The following ZNF280D variants were observed in gnomAD, a reference collection of about 807,000 sequenced individuals.
ZNF280D encodes zinc finger protein 280D, also known as suppressor of hairy wing homolog 4.
Under a neutral mutation model 94.7 loss-of-function variants are expected in ZNF280D, and 39 were observed. That is an observed-to-expected ratio of 0.41 (90% confidence interval 0.32 to 0.54). ZNF280D has a LOEUF of 0.54. Among genes scored for constraint, ZNF280D ranks in the 20% least tolerant of loss-of-function variants. ZNF280D has a pLI of 0.22. For synonymous variants in ZNF280D, 398 were observed against 377.6 expected (o/e 1.05, Z -0.63); for missense variants, 1,090 against 1,149.3 (o/e 0.95, Z 0.75).
At position 56,666,774 on chromosome 15, in the gene ZNF280D, T is replaced by C. The variant is rs1189144500; in HGVS notation, c.1758A>G (p.Lys586=). ...GCATATTAGAGATTTTTGGTTTGTA[T>C]TTAGATTTACTTCCATTAGGCTTAC... ...NTSKPNGSKS[K]YKPKISNMQK... is the part of the protein sequence containing the mutation. The change falls in exon 15 of 22, where the codon AAA becomes AAG. Residue 586 remains lysine (K), a synonymous_variant. Transcript: ENST00000267807. 1 of 1,613,812 alleles carries C rather than the reference T, an allele frequency of 6.2e-7. No homozygotes were observed. The highest frequency in any genetic ancestry group is 8.5e-7 in the Non-Finnish European group (1 of 1,179,832).
chr15:56,706,149 C>G (rs1256982188), intron 3 of ZNF280D, among the ~76,000 whole-genome samples: 2 of 133,454 alleles, frequency 1.5e-5, no homozygotes, highest in Non-Finnish European at 3.1e-5. Flanking sequence ...GACACAGACA[C>G]AAGCAGAAAA....
At chr15:56,704,558 G>GA (rs1240550012) in intron 3 of ZNF280D, among the ~76,000 whole-genome samples, 4 of 152,152 alleles carry the variant, frequency 2.6e-5, no homozygotes, top group Non-Finnish European at 5.9e-5. Flanking sequence ...CGTATACATA[G>GA]AATATGATTA....
intron 13 of ZNF280D, among the ~76,000 whole-genome samples, chr15:56,669,975 ATATATATAT>A (rs2054708721): frequency 0.026 from 16 of 612 alleles, no homozygotes; most frequent in African/African-American, 0.09. Context: ...TATATATATA[ATATATATAT>A]TATATATATA....
chr15:56,726,299 T>C (rs1390011379), intron 1 of ZNF280D, among the ~76,000 whole-genome samples: 4 of 152,068 alleles, frequency 2.6e-5, no homozygotes, highest in South Asian at 4.1e-4. Context: ...CTGTCCAAAT[T>C]AACCATTAAA....
At chr15:56,655,844 A>G (rs2053519430) in intron 17 of ZNF280D, among the ~76,000 whole-genome samples, 1 of 152,246 alleles carries the variant, frequency 6.6e-6, no homozygotes, top group Non-Finnish European at 1.5e-5. Context: ...TGGTTACACC[A>G]AGCATTTGAA....
intron 9 of ZNF280D, chr15:56,688,658 A>G (rs1396604380): frequency 1.3e-5 from 2 of 153,662 alleles, no homozygotes; most frequent in African/African-American, 2.4e-5. Context: ...GTAATGTGAC[A>G]TGTACATGTT....
chr15:56,654,527 A>G (rs1189441883), intron 17 of ZNF280D, 24 bp from the exon 18 acceptor site: 2 of 1,550,746 alleles, frequency 1.3e-6, no homozygotes, highest in Non-Finnish European at 1.7e-6. Flanking sequence ...CATTAAAAAA[A>G]GATTTTTATC....
chr15:56,731,415 A>T (rs911513079), intron 1 of ZNF280D, among the ~76,000 whole-genome samples: 19 of 144,162 alleles, frequency 1.3e-4, no homozygotes, highest in African/African-American at 4.8e-4. Context: ...AGGTGGGAGG[A>T]TGGCTTGAGC....
At chr15:56,706,413 G>A (rs112896008) in intron 3 of ZNF280D, among the ~76,000 whole-genome samples, 4,157 of 151,852 alleles carry the variant, frequency 0.027, 182 homozygotes, top group African/African-American at 0.095. Flanking sequence ...AGGAAGAGGA[G>A]GTTGCAATGA....
chr15:56,694,655 C>T (rs373686122), intron 6 of ZNF280D, among the ~76,000 whole-genome samples: 1 of 152,110 alleles, frequency 6.6e-6, no homozygotes, highest in Admixed American at 6.5e-5. Context: ...ATATCTACTA[C>T]AAAATAAATT....
intron 19 of ZNF280D, chr15:56,652,635 CAT>C (rs2053274367): frequency 1.0e-6 from 1 of 985,130 alleles, no homozygotes; most frequent in South Asian, 4.7e-5. Context: ...TGTTTTTTAA[CAT>C]GTTACCTTTA....
chr15:56,638,432 CACT>C (rs2052457185), intron 20 of ZNF280D, among the ~76,000 whole-genome samples: 1 of 152,114 alleles, frequency 6.6e-6, no homozygotes, highest in Admixed American at 6.6e-5. Flanking sequence ...AGAAAACTTC[CACT>C]TTTGGTGCAG....
intron 9 of ZNF280D, among the ~76,000 whole-genome samples, chr15:56,685,317 C>A (rs922001225): frequency 6.8e-6 from 1 of 147,830 alleles, no homozygotes; most frequent in Non-Finnish European, 1.5e-5. Flanking sequence ...AGAAAAAGAT[C>A]AAAACAAATA....
In ZNF280D at chr15:56,689,370, T is replaced by C; in HGVS notation, c.600A>G (p.Ala200=). 1.2e-6 allele frequency: 2 copies of C among 1,610,078 alleles called. No homozygotes were observed. Among genetic ancestry groups the C allele is most frequent in the Non-Finnish European group, 1.7e-6 (2 of 1,178,084 alleles). Reference sequence around the variant, plus strand: ...CTGAAGGTAATACAGCTGAGGAATTTGCTCCAGAAACACTTTCGCTGGGTT... The same window carrying C: ...CTGAAGGTAATACAGCTGAGGAATTCGCTCCAGAAACACTTTCGCTGGGTT... The part of the protein sequence containing the change: ...KPKPSESVSG[A]NSSAVLPSVK... Residue 200 remains alanine, a synonymous_variant, in exon 8 of 22, where the codon GCA becomes GCG. Transcript: ENST00000267807.
At chr15:56,662,451 T>C (rs190089822) in intron 16 of ZNF280D, among the ~76,000 whole-genome samples, 1 of 152,306 alleles carries the variant, frequency 6.6e-6, no homozygotes, top group African/African-American at 2.4e-5. Flanking sequence ...ACCTGCAGTT[T>C]GTAATGTGCT....
intron 7 of ZNF280D, among the ~76,000 whole-genome samples, chr15:56,690,793 A>G (rs1453406182): frequency 6.6e-6 from 1 of 152,220 alleles, no homozygotes; most frequent in East Asian, 1.9e-4. Flanking sequence ...ACAATTGTAC[A>G]TTAAAAGTAG....
chr15:56,701,508 C>A (rs1182466406), intron 4 of ZNF280D, among the ~76,000 whole-genome samples: 1 of 152,128 alleles, frequency 6.6e-6, no homozygotes, highest in Non-Finnish European at 1.5e-5. Flanking sequence ...AATGACAAAT[C>A]TGACTACAGG....
At chr15:56,671,645 A>T (rs1447968762) in intron 13 of ZNF280D, among the ~76,000 whole-genome samples, 1 of 151,920 alleles carries the variant, frequency 6.6e-6, no homozygotes, top group Non-Finnish European at 1.5e-5. Context: ...CTTAGGATTG[A>T]CTTGGCTATT....
At chr15:56,699,412 C>T (rs2141170162) in intron 6 of ZNF280D, 1 of 835,388 alleles carries the variant, frequency 1.2e-6, no homozygotes, top group South Asian at 5.5e-5. Flanking sequence ...AAATAATGCA[C>T]ATTTTTCAGC....
Sources: allele counts gnomAD v4.1 joint callset (sites outside exome capture counted in the v4.1 genomes callset), GRCh38; gene constraint gnomAD v4.1.1; transcripts MANE v1.5; gene names NCBI Gene and HGNC (gene_info 2026-07-23, HGNC 2026-07-21).